Variants in HIRA observed in about 807,000 individuals in gnomAD.
HIRA encodes protein HIRA.
Under a neutral mutation model 126.6 loss-of-function variants are expected in HIRA, and 13 were observed. The ratio of observed to expected loss-of-function variants is 0.10; its 90% CI spans 0.07 to 0.16. HIRA has a LOEUF of 0.16. HIRA is among the 10% of genes least tolerant of loss of function. The probability of loss-of-function intolerance (pLI) is 1.00; values close to 1 mark genes in which losing one functional copy is unlikely to be tolerated. For synonymous variants in HIRA, 511 were observed against 520.0 expected (o/e 0.98, Z 0.24); for missense variants, 834 against 1,314.4 (o/e 0.63, Z 5.65).
intron 11 of HIRA, among the ~76,000 whole-genome samples, chr22:19,386,633 C>T (rs1037693740): frequency 3.9e-5 from 6 of 152,320 alleles, no homozygotes; most frequent in East Asian, 3.9e-4. Flanking sequence ...CCTGGAATCT[C>T]GAAGCAGAAT....
At chr22:19,417,975 T>C (rs1312485458) in intron 1 of HIRA, among the ~76,000 whole-genome samples, 1 of 152,188 alleles carries the variant, frequency 6.6e-6, no homozygotes, top group Non-Finnish European at 1.5e-5. Context: ...AAAGACATTA[T>C]GGTAAGTGAA....
rs531615249 is a variant in HIRA, at chr22:19,377,788, G to A, written c.1613+81C>T. 1.3e-4 allele frequency: 172 copies of A among 1,278,816 alleles called. 3 individuals carry two copies. In the South Asian group the frequency reaches 2.4e-3, roughly 18 times the overall value. The allele number at this position is 1,278,816 out of a possible 1,614,324, so 79.2% of individuals were successfully genotyped here. On this transcript the variant is annotated intron_variant, in intron 14 of 24. Transcript: ENST00000263208. ...TTGAAGGGGCCACAAAGTGCAAACA[G>A]AATAAAATTCTCTGTCCTCAAAACT...
At chr22:19,399,835 G>A (rs1204945872) in intron 5 of HIRA, among the ~76,000 whole-genome samples, 1 of 152,144 alleles carries the variant, frequency 6.6e-6, no homozygotes, top group Non-Finnish European at 1.5e-5. Context: ...CTTATCTAAT[G>A]TGTTTTTGGA....
intron 1 of HIRA, among the ~76,000 whole-genome samples, chr22:19,422,169 T>TACACACACAC (rs762601560): frequency 0.013 from 1,395 of 111,468 alleles, 16 homozygotes; most frequent in Admixed American, 0.042. Flanking sequence ...TGTGTTTATA[T>TACACACACAC]ATACACACAC....
intron 5 of HIRA, among the ~76,000 whole-genome samples, chr22:19,405,025 T>C (rs975498603): frequency 1.3e-5 from 2 of 152,306 alleles, no homozygotes; most frequent in East Asian, 3.9e-4. Context: ...ATCTCTTCCA[T>C]GACAAGGGAC....
intron 24 of HIRA, among the ~76,000 whole-genome samples, chr22:19,350,312 A>T (rs1255873751): frequency 6.6e-6 from 1 of 152,070 alleles, no homozygotes; most frequent in Non-Finnish European, 1.5e-5. Context: ...TGCCTATAAC[A>T]TGCCTGGCCA....
intron 5 of HIRA, among the ~76,000 whole-genome samples, chr22:19,402,973 T>C (rs1449459529): frequency 1.3e-5 from 2 of 151,670 alleles, no homozygotes; most frequent in South Asian, 2.1e-4. Context: ...TATGGTGATG[T>C]ACATCTGTAG....
intron 24 of HIRA, among the ~76,000 whole-genome samples, chr22:19,336,015 T>A (rs1190481723): frequency 6.6e-6 from 1 of 152,224 alleles, no homozygotes; most frequent in Non-Finnish European, 1.5e-5. Context: ...TCTTAGCATA[T>A]AGGCTATGTA....
At chr22:19,363,235 AAAAAAAAAC>A (rs1273012381) in intron 15 of HIRA, among the ~76,000 whole-genome samples, 49 of 151,776 alleles carry the variant, frequency 3.2e-4, no homozygotes, top group Non-Finnish European at 8.8e-5. Context: ...TCCGTCTCAA[AAAAAAAAAC>A]AAAAAAAACA....
chr22:19,405,418 G>A (rs2089300236), intron 5 of HIRA: 4 of 841,252 alleles, frequency 4.8e-6, no homozygotes, highest in Non-Finnish European at 5.7e-6. Flanking sequence ...CTTTTCAATG[G>A]GCATCTGTGA....
intron 24 of HIRA, among the ~76,000 whole-genome samples, chr22:19,346,332 T>C (rs1377606914): frequency 6.6e-6 from 1 of 152,256 alleles, no homozygotes; most frequent in African/African-American, 2.4e-5. Flanking sequence ...AGAGAGAGAC[T>C]TCGTCTCAAA....
At chr22:19,370,088 C>G (rs1168395793) in intron 15 of HIRA, among the ~76,000 whole-genome samples, 4 of 152,136 alleles carry the variant, frequency 2.6e-5, no homozygotes, top group Non-Finnish European at 5.9e-5. Flanking sequence ...GATTCTCCTG[C>G]CTCAGCCTCT....
At chr22:19,422,524 A>G (rs1023292968) in intron 1 of HIRA, among the ~76,000 whole-genome samples, 2 of 152,116 alleles carry the variant, frequency 1.3e-5, no homozygotes, top group Non-Finnish European at 2.9e-5. Context: ...AAGGCCTTCT[A>G]GTAGCCTACT....
chr22:19,397,312 T>C (rs184269075), intron 6 of HIRA, among the ~76,000 whole-genome samples: 87 of 152,182 alleles, frequency 5.7e-4, no homozygotes, highest in Non-Finnish European at 1.2e-3. Context: ...TGACTGTGGC[T>C]GAGTCTTTTA....
In HIRA at chr22:19,331,096, T is replaced by C; in HGVS notation, c.*344A>G. ...CTCAATCGTCACTGCTGAAGCAGCATGGTGCCTGCAGCAGCAGGGGCTAGT... is the reference window on the plus strand; with the variant it reads ...CTCAATCGTCACTGCTGAAGCAGCACGGTGCCTGCAGCAGCAGGGGCTAGT... On this transcript the variant is annotated 3_prime_UTR_variant, in exon 25 of 25. Transcript: ENST00000263208. The C allele has an allele frequency of 1.7e-6, 2 of 1,209,168 alleles. No homozygotes were observed. Among genetic ancestry groups the C allele is most frequent in the Non-Finnish European group, 1.1e-6 (1 of 942,760 alleles). 74.9% of individuals were successfully genotyped at this position (1,209,168 alleles called of 1,614,324 possible).
intron 15 of HIRA, among the ~76,000 whole-genome samples, chr22:19,374,884 A>G (rs1361686378): frequency 1.3e-5 from 2 of 152,148 alleles, no homozygotes; most frequent in East Asian, 1.9e-4. Flanking sequence ...TAAGCCCCCA[A>G]AGTCCAGCCC....
intron 23 of HIRA, among the ~76,000 whole-genome samples, chr22:19,352,965 C>A (rs2088773658): frequency 6.6e-6 from 1 of 152,236 alleles, no homozygotes; most frequent in Admixed American, 6.5e-5. Flanking sequence ...GCAAGCCTGT[C>A]CAGGGCAGGA....
intron 15 of HIRA, among the ~76,000 whole-genome samples, chr22:19,369,642 C>T (rs1236076545): frequency 6.6e-6 from 1 of 152,084 alleles, no homozygotes; most frequent in African/African-American, 2.4e-5. Context: ...CAAAGAAAAT[C>T]TCCACTGAAG....
intron 5 of HIRA, chr22:19,399,106 A>G (rs1405881291): frequency 1.0e-6 from 1 of 985,036 alleles, no homozygotes; most frequent in African/African-American, 1.7e-5. Context: ...GTCCGCTGTG[A>G]CGATGGTGCC....
Sources: gnomAD v4.1 joint callset for allele counts (sites outside exome capture counted in the v4.1 genomes callset) on GRCh38, gnomAD v4.1.1 for gene constraint, MANE v1.5 for transcripts, NCBI Gene and HGNC (gene_info 2026-07-23, HGNC 2026-07-21) for gene names.